The following TRANK1 variants were observed in gnomAD, a reference collection of about 807,000 sequenced individuals.
TRANK1 encodes the protein TPR and ankyrin repeat-containing protein 1.
In TRANK1, 198 loss-of-function variants were observed where a neutral mutation model predicts 266.0. The ratio of observed to expected loss-of-function variants is 0.74; its 90% CI spans 0.66 to 0.84. The LOEUF (loss-of-function observed/expected upper bound fraction) is 0.84, where lower values mean the gene tolerates loss of function less well. TRANK1 is among the 40% of genes least tolerant of loss of function. The pLI is 0.00. For missense variants in TRANK1, 3,326 were observed against 3,634.6 expected, an observed-to-expected ratio of 0.92 and a Z score of 2.18; for synonymous variants, 1,396 against 1,384.1, an observed-to-expected ratio of 1.01 and a Z score of -0.19.
In TRANK1 at chr3:36,903,983, G is replaced by GCA. The variant is rs762249978; in HGVS notation, c.156-709_156-708insTG. Among the ~76,000 whole-genome samples the GCA allele has an allele frequency of 4.6e-3, 696 of 152,188 alleles. 4 individuals carry two copies. The highest frequency in any genetic ancestry group is 7.9e-3 in the Non-Finnish European group (538 of 68,006). The stretch of plus-strand genomic sequence containing the variant: ...TTTTTTATTTAATATCTTTGAGACA[G>GCA]AGTCTCACTCTGTCGCCCAAGCTGG... On this transcript the variant is annotated intron_variant, in intron 2 of 23. Coordinates refer to ENST00000645898, the MANE Select transcript of TRANK1 (RefSeq NM_001329998.2).
intron 3 of TRANK1, among the ~76,000 whole-genome samples, chr3:36,901,953 C>A (rs945438958): frequency 6.6e-6 from 1 of 152,130 alleles, no homozygotes; most frequent in Non-Finnish European, 1.5e-5. Context: ...TCCTAAAATA[C>A]CTTTGGGAAG....
At chr3:36,900,420 T>G (rs1042471869) in intron 3 of TRANK1, among the ~76,000 whole-genome samples, 4 of 152,174 alleles carry the variant, frequency 2.6e-5, no homozygotes, top group Non-Finnish European at 4.4e-5. Flanking sequence ...AATATTTGAT[T>G]TCTATAGAAA....
intron 8 of TRANK1, among the ~76,000 whole-genome samples, chr3:36,889,354 C>T (rs1371015346): frequency 1.3e-5 from 2 of 152,310 alleles, no homozygotes; most frequent in Non-Finnish European, 1.5e-5. Flanking sequence ...CTTTTCCTTG[C>T]ATGTGCAAGC....
intron 1 of TRANK1, among the ~76,000 whole-genome samples, chr3:36,935,235 G>A (rs1265821823): frequency 5.3e-5 from 8 of 152,080 alleles, no homozygotes; most frequent in Admixed American, 5.2e-4. Context: ...GGAGGGTGAG[G>A]GGCCACAGTC....
chr3:36,902,853 G>A (rs2079903864), intron 3 of TRANK1, among the ~76,000 whole-genome samples: 1 of 152,232 alleles, frequency 6.6e-6, no homozygotes, highest in Non-Finnish European at 1.5e-5. Context: ...AGGAGGCCAA[G>A]CTCTGCTGTT....
intron 8 of TRANK1, chr3:36,880,133 AATAT>A (rs1178148833): frequency 7.4e-6 from 1 of 134,276 alleles, no homozygotes; most frequent in African/African-American, 3.3e-5. Context: ...TAAACATATA[AATAT>A]ATATAAACAT....
At chr3:36,849,318 A>G (rs1194529296) in intron 15 of TRANK1, among the ~76,000 whole-genome samples, 2 of 152,162 alleles carry the variant, frequency 1.3e-5, no homozygotes, top group African/African-American at 2.4e-5. Context: ...CTTGAGGGTG[A>G]CTGGAAGAAT....
At position 36,830,861 on chromosome 3, in the gene TRANK1, G is replaced by A; in HGVS notation, c.8710+12C>T. The stretch of plus-strand genomic sequence containing the variant: ...TCACTCTGCCTGGGCCCCCATCTCT[G>A]CAGACCCTTACCGCCAGCCCAGGCC... On this transcript the variant is annotated intron_variant, in intron 22 of 23. Transcript: ENST00000645898. The A allele has an allele frequency of 6.3e-7, 1 of 1,585,838 alleles. No homozygotes were observed. The highest frequency in any genetic ancestry group is 2.2e-5 in the East Asian group (1 of 44,566).
chr3:36,888,328 T>C (rs1197662202), intron 8 of TRANK1, among the ~76,000 whole-genome samples: 1 of 152,210 alleles, frequency 6.6e-6, no homozygotes, highest in Non-Finnish European at 1.5e-5. Context: ...TGCTTAGGGC[T>C]TGGAGATGGG....
At position 36,829,586 on chromosome 3, in the gene TRANK1, T is replaced by C; in HGVS notation, c.8787A>G (p.Thr2929=). ...VRDARDWLMK[T]ETRLKKEGIV... ...TACCTTCCTTCTTTAAGCGGGTCTC[T>C]GTTTTCATCAACCAGTCTCGTGCAT... Residue 2929 remains threonine (T), a synonymous_variant, in exon 23 of 24, where the codon ACA becomes ACG. Coordinates refer to ENST00000645898, the MANE Select transcript of TRANK1 (RefSeq NM_001329998.2). 6.2e-7 allele frequency: 1 copy of C among 1,614,016 alleles called. No homozygotes were observed. Among genetic ancestry groups the C allele is most frequent in the Non-Finnish European group, 8.5e-7 (1 of 1,179,900 alleles).
intron 7 of TRANK1, among the ~76,000 whole-genome samples, chr3:36,890,981 G>T (rs1307957349): frequency 1.3e-5 from 2 of 152,226 alleles, no homozygotes; most frequent in African/African-American, 4.8e-5. Flanking sequence ...GGGAGGATTA[G>T]ATTGCGTAGC....
intron 1 of TRANK1, among the ~76,000 whole-genome samples, chr3:36,913,590 T>G (rs529155285): frequency 2.0e-5 from 3 of 152,044 alleles, no homozygotes; most frequent in African/African-American, 7.2e-5. Context: ...AGGATAAAAA[T>G]CCAAAGTCAG....
intron 1 of TRANK1, among the ~76,000 whole-genome samples, chr3:36,932,822 T>C (rs181269779): frequency 1.7e-4 from 26 of 152,326 alleles, no homozygotes; most frequent in Admixed American, 5.2e-4. Context: ...AGAGAGTACA[T>C]TTTTCTGTTG....
chr3:36,906,398 C>A (rs2079968867), intron 2 of TRANK1, among the ~76,000 whole-genome samples: 1 of 152,158 alleles, frequency 6.6e-6, no homozygotes, highest in African/African-American at 2.4e-5. Flanking sequence ...ACCCTCAAGG[C>A]CACTGCAGGT....
At chr3:36,871,162 G>GCGAT (rs2079303268) in intron 9 of TRANK1, among the ~76,000 whole-genome samples, 1 of 151,924 alleles carries the variant, frequency 6.6e-6, no homozygotes, top group Non-Finnish European at 1.5e-5. Flanking sequence ...GCGAAGGTGG[G>GCGAT]CGATCACCTG....
chr3:36,889,689 C>G, intron 8 of TRANK1, 140 bp downstream of exon 8: 2 of 1,188,362 alleles, frequency 1.7e-6, no homozygotes, highest in African/African-American at 3.1e-5. Context: ...CCACCAAAAT[C>G]AAGTTTAGTT....
At chr3:36,923,632 A>C (rs34827295) in intron 1 of TRANK1, among the ~76,000 whole-genome samples, 1 of 151,440 alleles carries the variant, frequency 6.6e-6, no homozygotes, top group Non-Finnish European at 1.5e-5. Flanking sequence ...TGTAGGGGGA[A>C]CTCTCTCTGG....
rs773828888 is a variant in TRANK1 at position 36,833,204 on chromosome 3, AATACTTGGC to A, written c.6370_6378del (p.Ala2124_Tyr2126del). ...CCAGGGTCATTCTGAGCTATCTGGCAATACTTGGCATCCACCTGGGAAATCCCAAAAAAC... is the reference window on the plus strand; with the variant it reads ...CCAGGGTCATTCTGAGCTATCTGGCAATCCACCTGGGAAATCCCAAAAAAC... On this transcript the variant is annotated inframe_deletion, in exon 22 of 24. Coordinates refer to ENST00000645898, the MANE Select transcript of TRANK1 (RefSeq NM_001329998.2). The A allele has an allele frequency of 6.2e-7, 1 of 1,614,020 alleles. No individual in the cohort carries two copies. Among genetic ancestry groups the A allele is most frequent in the Non-Finnish European group, 8.5e-7 (1 of 1,179,896 alleles).
intron 8 of TRANK1, among the ~76,000 whole-genome samples, chr3:36,883,192 G>A (rs1368462506): frequency 6.6e-6 from 1 of 152,122 alleles, no homozygotes; most frequent in Non-Finnish European, 1.5e-5. Flanking sequence ...TGTAATCTCA[G>A]CATTTTGTGA....
Sources: allele counts gnomAD v4.1 joint callset (sites outside exome capture counted in the v4.1 genomes callset), GRCh38; gene constraint gnomAD v4.1.1; transcripts MANE v1.5; gene names NCBI Gene and HGNC (gene_info 2026-07-23, HGNC 2026-07-21).